FNBP1L: variants seen among roughly 807,000 people sequenced by gnomAD.
FNBP1L encodes formin-binding protein 1-like.
Under a neutral mutation model 91.2 loss-of-function variants are expected in FNBP1L, and 36 were observed. The observed-to-expected ratio is 0.39, with a 90% CI of 0.30 to 0.52. The LOEUF (loss-of-function observed/expected upper bound fraction) is 0.52, where lower values mean the gene tolerates loss of function less well. FNBP1L is among the 20% of genes least tolerant of loss of function. The probability of loss-of-function intolerance (pLI) is 0.66; values close to 1 mark genes in which losing one functional copy is unlikely to be tolerated. For synonymous variants in FNBP1L, 242 were observed against 237.0 expected (o/e 1.02, Z -0.19); for missense variants, 571 against 732.1 (o/e 0.78, Z 2.54).
chr1:93,451,980 C>CA (rs1668512978), intron 1 of FNBP1L, among the ~76,000 whole-genome samples: 1 of 152,098 alleles, frequency 6.6e-6, no homozygotes, highest in Admixed American at 6.6e-5. Flanking sequence ...ATGCATTTGA[C>CA]AAAGCTTATA....
chr1:93,465,344 C>A (rs753786211), intron 1 of FNBP1L, among the ~76,000 whole-genome samples: 4 of 151,892 alleles, frequency 2.6e-5, no homozygotes, highest in Non-Finnish European at 4.4e-5. Context: ...CTAATGCTAT[C>A]CCTCCCCCAG....
At chr1:93,522,675 G>T (rs1570842333) in intron 3 of FNBP1L, among the ~76,000 whole-genome samples, 3 of 152,258 alleles carry the variant, frequency 2.0e-5, no homozygotes, top group African/African-American at 7.2e-5. Context: ...ATTGTCAGTT[G>T]TTAGGATTCT....
At chr1:93,487,089 A>T (rs1278573547) in intron 1 of FNBP1L, among the ~76,000 whole-genome samples, 6 of 152,292 alleles carry the variant, frequency 3.9e-5, no homozygotes, top group African/African-American at 1.4e-4. Context: ...ACTGCTCTTA[A>T]GACAGTCAAT....
At chr1:93,470,790 G>A (rs1248452463) in intron 1 of FNBP1L, among the ~76,000 whole-genome samples, 4 of 151,132 alleles carry the variant, frequency 2.6e-5, no homozygotes, top group Admixed American at 6.6e-5. Flanking sequence ...GGAGAATGGC[G>A]TGAACCCGGG....
chr1:93,489,391 G>T (rs1002778188), intron 1 of FNBP1L, among the ~76,000 whole-genome samples: 3 of 152,100 alleles, frequency 2.0e-5, no homozygotes, highest in Admixed American at 6.6e-5. Flanking sequence ...ACTTGACAGG[G>T]TAGCTGTCTG....
At chr1:93,544,298 G>A (rs763863915) in intron 12 of FNBP1L, 82 bp downstream of exon 12, 9 of 863,768 alleles carry the variant, frequency 1.0e-5, no homozygotes, top group Non-Finnish European at 1.4e-5. Flanking sequence ...TATACAGAAG[G>A]TTTAAAAATC....
intron 1 of FNBP1L, among the ~76,000 whole-genome samples, chr1:93,468,790 A>G (rs1306928797): frequency 6.6e-6 from 1 of 152,136 alleles, no homozygotes; most frequent in Non-Finnish European, 1.5e-5. Flanking sequence ...ACTTAACAGT[A>G]GAATTGTTGA....
At chr1:93,507,529 T>TA (rs1437490586) in intron 2 of FNBP1L, among the ~76,000 whole-genome samples, 2 of 152,250 alleles carry the variant, frequency 1.3e-5, no homozygotes, top group East Asian at 3.8e-4. Context: ...TTGCGGGACT[T>TA]ACTTAACCAT....
intron 1 of FNBP1L, among the ~76,000 whole-genome samples, chr1:93,477,340 T>C (rs1669531998): frequency 6.6e-6 from 1 of 152,212 alleles, no homozygotes; most frequent in African/African-American, 2.4e-5. Context: ...GGCAGTGTGC[T>C]GTCTTACTGT....
intron 2 of FNBP1L, among the ~76,000 whole-genome samples, chr1:93,506,727 C>G (rs149819111): frequency 8.5e-5 from 13 of 152,234 alleles, no homozygotes; most frequent in East Asian, 5.8e-4. Flanking sequence ...AGATAGTTCA[C>G]ATTCTGGCAC....
At chr1:93,509,278 TTCTTA>T (rs1670736778) in intron 2 of FNBP1L, among the ~76,000 whole-genome samples, 1 of 152,196 alleles carries the variant, frequency 6.6e-6, no homozygotes, top group African/African-American at 2.4e-5. Context: ...ATCCATACTG[TTCTTA>T]TCTTCATCTC....
intron 1 of FNBP1L, among the ~76,000 whole-genome samples, 173 bp from the exon 2 acceptor site, chr1:93,499,295 T>TA (rs552093214): frequency 1.9e-3 from 287 of 152,182 alleles, no homozygotes; most frequent in Non-Finnish European, 2.9e-3. Flanking sequence ...GATTTATGCT[T>TA]AGGGACGACC....
intron 1 of FNBP1L, among the ~76,000 whole-genome samples, chr1:93,449,228 C>T (rs959486902): frequency 1.3e-5 from 2 of 151,998 alleles, no homozygotes; most frequent in African/African-American, 4.8e-5. Flanking sequence ...GAATTTGCTC[C>T]TGGCGCCGGC....
Position 93,471,327 on chromosome 1 carries a change from GTTAGT to G in FNBP1L, c.24+23026_24+23030del, listed in dbSNP as rs1261566566. Among the ~76,000 whole-genome samples, 3 of 152,116 alleles carry G rather than the reference GTTAGT, an allele frequency of 2.0e-5. No individual in the cohort carries two copies. The East Asian group carries it at 5.8e-4, about 29-fold the overall frequency. On this transcript the variant is annotated intron_variant, in intron 1 of 16. Coordinates refer to ENST00000271234, the MANE Select transcript of FNBP1L (RefSeq NM_001164473.3). ...ATTAGGGATGCTCAATCTGTGGAAC[GTTAGT>G]TTATGTTAAAGCTACATTTTTGTTT...
At position 93,511,898 on chromosome 1, in the gene FNBP1L, G is replaced by A. The variant is rs1478455275; in HGVS notation, c.141-10184G>A. 2.9e-3 allele frequency among the ~76,000 whole-genome samples: 430 copies of A among 148,574 alleles called. 2 individuals are homozygous for A. Among genetic ancestry groups the A allele is most frequent in the African/African-American group, 9.8e-3 (397 of 40,410 alleles). The stretch of plus-strand genomic sequence containing the variant: ...GGAGAATGGCGTGAACCCGGGAGGC[G>A]GAGCTTGCAGTGAGCCGAGATCCCG... On this transcript the variant is annotated intron_variant, in intron 2 of 16. Coordinates refer to ENST00000271234, the MANE Select transcript of FNBP1L (RefSeq NM_001164473.3).
intron 1 of FNBP1L, among the ~76,000 whole-genome samples, chr1:93,491,799 C>T (rs1278552735): frequency 6.6e-6 from 1 of 152,046 alleles, no homozygotes; most frequent in Non-Finnish European, 1.5e-5. Context: ...TTATAGGCTT[C>T]TGTTATGTTT....
chr1:93,502,942 C>A (rs1670485535), intron 2 of FNBP1L, among the ~76,000 whole-genome samples: 2 of 152,108 alleles, frequency 1.3e-5, no homozygotes, highest in African/African-American at 4.8e-5. Flanking sequence ...TATAGTATGT[C>A]TTTTATCCAA....
intron 7 of FNBP1L, among the ~76,000 whole-genome samples, chr1:93,532,259 G>C (rs1671699559): frequency 6.6e-6 from 1 of 152,076 alleles, no homozygotes; most frequent in Non-Finnish European, 1.5e-5. Context: ...ACGAGGTCAA[G>C]AGATTGAGAC....
In FNBP1L at chr1:93,552,469, C is replaced by CT. The variant is rs138728682; in HGVS notation, c.*57dup. On this transcript the variant is annotated 3_prime_UTR_variant, in exon 17 of 17. Transcript: ENST00000271234. ...TGTTGAAGGAGGTTACATGCAGCTG[C>CT]TTTTGGGGGAGGGTATTAGAGTTGT... 2.9e-4 allele frequency: 465 copies of CT among 1,605,476 alleles called. 2 individuals are homozygous for CT. In the African/African-American group the frequency reaches 5.8e-3, roughly 20 times the overall value.
Sources: gnomAD v4.1 joint callset for allele counts (sites outside exome capture counted in the v4.1 genomes callset) on GRCh38, gnomAD v4.1.1 for gene constraint, MANE v1.5 for transcripts, NCBI Gene and HGNC (gene_info 2026-07-23, HGNC 2026-07-21) for gene names.